THSD7B: variants seen among roughly 807,000 people sequenced by gnomAD.
THSD7B encodes the protein thrombospondin type 1 domain containing 7B, also known as thrombospondin type-1 domain-containing protein 7B.
A neutral mutation model predicts 213.6 loss-of-function variants in THSD7B; 138 were observed. The observed-to-expected ratio is 0.65, with a 90% CI of 0.56 to 0.74. The LOEUF is 0.74. Ranked by LOEUF, THSD7B falls within the 30% of genes least tolerant of loss-of-function variation. The pLI, the probability that THSD7B is intolerant of heterozygous loss-of-function variation, is 0.00. For synonymous variants in THSD7B, 742 were observed against 687.0 expected, an observed-to-expected ratio of 1.08 and a Z score of -1.25; for missense variants, 1,931 against 1,991.5, an observed-to-expected ratio of 0.97 and a Z score of 0.58.
intron 4 of THSD7B, among the ~76,000 whole-genome samples, chr2:137,110,455 G>A (rs1004737350): frequency 2.6e-5 from 4 of 152,072 alleles, no homozygotes; most frequent in Non-Finnish European, 5.9e-5. Flanking sequence ...TTCTTCCTGT[G>A]CATCCAGTAT....
At chr2:136,998,261 C>CAAAAAAAAAAAAAAAAAGAA (rs1685930601) in intron 2 of THSD7B, among the ~76,000 whole-genome samples, 1 of 98,404 alleles carries the variant, frequency 1.0e-5, no homozygotes, top group African/African-American at 3.5e-5. Flanking sequence ...ACTAAAAGGC[C>CAAAAAAAAAAAAAAAAAGAA]AAAAAAAAAA....
intron 2 of THSD7B, among the ~76,000 whole-genome samples, chr2:136,886,713 T>C (rs1002083): frequency 0.86 from 130,842 of 152,230 alleles, 56,619 homozygotes; most frequent in Non-Finnish European, 0.91. Context: ...GATTTATTGA[T>C]GTGGGATGGG....
intron 1 of THSD7B, among the ~76,000 whole-genome samples, chr2:136,811,171 G>T (rs1252439202): frequency 6.6e-6 from 1 of 152,150 alleles, no homozygotes; most frequent in Non-Finnish European, 1.5e-5. Flanking sequence ...CCCCACTGCT[G>T]AATCTCCCAG....
intron 20 of THSD7B, 53 bp from the exon 21 acceptor site, chr2:137,642,435 T>C (rs1573760965): frequency 6.2e-7 from 1 of 1,603,864 alleles, no homozygotes; most frequent in Admixed American, 1.7e-5. Context: ...GTTCTTCAGG[T>C]CCCTTTCCAA....
chr2:137,440,595 C>A (rs1489788852), intron 14 of THSD7B, among the ~76,000 whole-genome samples: 1 of 151,946 alleles, frequency 6.6e-6, no homozygotes, highest in Non-Finnish European at 1.5e-5. Context: ...TCAGTTCCAG[C>A]CAATTGTTGC....
chr2:136,950,164 A>C (rs142283103), intron 2 of THSD7B, among the ~76,000 whole-genome samples: 12,505 of 152,254 alleles, frequency 0.082, 818 homozygotes, highest in Non-Finnish European at 0.13. Flanking sequence ...AGGCAGGAGA[A>C]TTGCTTGAAC....
intron 10 of THSD7B, 105 bp from the exon 11 acceptor site, chr2:137,272,428 A>G (rs1029802535): frequency 6.7e-6 from 8 of 1,198,760 alleles, no homozygotes; most frequent in Admixed American, 6.5e-5. Flanking sequence ...GACTTTCCAC[A>G]TGTGCTTACT....
intron 7 of THSD7B, among the ~76,000 whole-genome samples, chr2:137,209,442 C>T (rs1681052910): frequency 6.6e-6 from 1 of 152,030 alleles, no homozygotes; most frequent in Non-Finnish European, 1.5e-5. Context: ...GTGACTATTA[C>T]AAGGTCCCAC....
intron 15 of THSD7B, among the ~76,000 whole-genome samples, chr2:137,495,883 C>A (rs1679551124): frequency 6.6e-6 from 1 of 152,132 alleles, no homozygotes; most frequent in Non-Finnish European, 1.5e-5. Context: ...AGTTCTACCC[C>A]CCTGGCAAGC....
At chr2:136,787,280 A>G (rs1049586213) in intron 1 of THSD7B, among the ~76,000 whole-genome samples, 1 of 151,748 alleles carries the variant, frequency 6.6e-6, no homozygotes, top group Non-Finnish European at 1.5e-5. Context: ...TTTTTTCTTT[A>G]TATCTGTATA....
At chr2:136,850,313 T>G (rs200408606) in intron 1 of THSD7B, among the ~76,000 whole-genome samples, 1 of 7,828 alleles carries the variant, frequency 1.3e-4, no homozygotes, top group Non-Finnish European at 2.4e-4. Flanking sequence ...TTCAATATTA[T>G]GCCATGGAAA....
At chr2:136,882,743 A>T (rs1362640491) in intron 2 of THSD7B, among the ~76,000 whole-genome samples, 1 of 152,160 alleles carries the variant, frequency 6.6e-6, no homozygotes, top group East Asian at 1.9e-4. Context: ...TAGATCTTCT[A>T]TGTCTAGGTT....
intron 12 of THSD7B, among the ~76,000 whole-genome samples, chr2:137,288,800 T>G (rs1384382627): frequency 6.6e-6 from 1 of 150,990 alleles, no homozygotes; most frequent in Non-Finnish European, 1.5e-5. Flanking sequence ...ATAATATATA[T>G]ATATATATAT....
Position 137,160,216 on chromosome 2 carries a change from C to A in THSD7B, c.1373C>A (p.Ser458Tyr). 1 of 1,613,048 alleles carries A rather than the reference C, an allele frequency of 6.2e-7. No individual in the cohort carries two copies. The highest frequency in any genetic ancestry group is 1.7e-4 in the Middle Eastern group (1 of 6,052). The stretch of plus-strand genomic sequence containing the variant: ...CCGTTATCTTTTTGTCCCTCAGTCT[C>A]TAGACCTGTGGAAAAGGCATTATGT... ...AAAALRAKEV[S>Y]RPVEKALCVG... Residue 458 changes from serine (S) to tyrosine (Y), a missense_variant, in exon 6 of 28, where the codon TCT (serine) becomes TAT (tyrosine). By Grantham distance (144) the Ser-to-Tyr change is moderately radical. Coordinates refer to ENST00000409968, the MANE Select transcript of THSD7B (RefSeq NM_001316349.2).
intron 17 of THSD7B, among the ~76,000 whole-genome samples, chr2:137,597,024 CAGAA>C (rs1293210407): frequency 2.0e-5 from 3 of 151,920 alleles, no homozygotes; most frequent in Non-Finnish European, 4.4e-5. Context: ...GGTTTTTCAC[CAGAA>C]AGAACATTTT....
chr2:137,112,283 T>TA (rs869206652), intron 4 of THSD7B, among the ~76,000 whole-genome samples: 4 of 152,094 alleles, frequency 2.6e-5, no homozygotes, highest in African/African-American at 9.6e-5. Context: ...CCCATATTTT[T>TA]AAAAAAAGGA....
At chr2:137,363,090 A>T (rs1373588987) in intron 12 of THSD7B, among the ~76,000 whole-genome samples, 1 of 152,214 alleles carries the variant, frequency 6.6e-6, no homozygotes, top group Non-Finnish European at 1.5e-5. Flanking sequence ...ACTCACTCAA[A>T]ACTGCACAAA....
At chr2:136,952,193 TGAA>T (rs1685048638) in intron 2 of THSD7B, among the ~76,000 whole-genome samples, 2 of 152,178 alleles carry the variant, frequency 1.3e-5, no homozygotes, top group South Asian at 2.1e-4. Context: ...GTGTTTTAAA[TGAA>T]GAAGAAGCCA....
At chr2:136,817,199 G>A (rs560202113) in intron 1 of THSD7B, among the ~76,000 whole-genome samples, 10 of 152,184 alleles carry the variant, frequency 6.6e-5, no homozygotes, top group African/African-American at 2.2e-4. Flanking sequence ...TAGAACTTAC[G>A]GAAATATTAC....
Sources: allele counts gnomAD v4.1 joint callset (sites outside exome capture counted in the v4.1 genomes callset), GRCh38; gene constraint gnomAD v4.1.1; transcripts MANE v1.5; gene names NCBI Gene and HGNC (gene_info 2026-07-23, HGNC 2026-07-21).